TARS1: variants seen among roughly 807,000 people sequenced by gnomAD.
TARS1 encodes threonine--tRNA ligase 1, cytoplasmic.
Under a neutral mutation model 97.7 loss-of-function variants are expected in TARS1, and 57 were observed. The ratio of observed to expected loss-of-function variants is 0.58; its 90% CI spans 0.47 to 0.73. The LOEUF (loss-of-function observed/expected upper bound fraction) is 0.73, where lower values mean the gene tolerates loss of function less well. Ranked by LOEUF, TARS1 falls within the 30% of genes least tolerant of loss-of-function variation. The pLI is 0.00. For synonymous variants in TARS1, 312 were observed against 293.7 expected (o/e 1.06, Z -0.64); for missense variants, 806 against 888.3 (o/e 0.91, Z 1.18).
chr5:33,453,951 C>A (rs1741885628), intron 4 of TARS1, among the ~76,000 whole-genome samples: 1 of 152,074 alleles, frequency 6.6e-6, no homozygotes, highest in Admixed American at 6.6e-5. Flanking sequence ...AACTCCTGAC[C>A]TCAAGTGATC....
At chr5:33,462,569 T>C (rs1201654880) in intron 16 of TARS1, among the ~76,000 whole-genome samples, 1 of 152,232 alleles carries the variant, frequency 6.6e-6, no homozygotes, top group African/African-American at 2.4e-5. Context: ...TGAGGAGGCT[T>C]ATGGCTTTCT....
intron 2 of TARS1, chr5:33,446,567 G>C (rs1265988911): frequency 3.1e-5 from 19 of 607,406 alleles, no homozygotes; most frequent in Non-Finnish European, 4.4e-5. Flanking sequence ...AAAAAAGAGT[G>C]TACAGTGAAC....
At chr5:33,456,600 A>T (rs1424250451) in intron 8 of TARS1, among the ~76,000 whole-genome samples, 1 of 152,274 alleles carries the variant, frequency 6.6e-6, no homozygotes, top group African/African-American at 2.4e-5. Flanking sequence ...ACTAGTTCAT[A>T]AACATTTTAT....
Position 33,462,180 on chromosome 5 carries a change from C to T in TARS1, c.1812C>T (p.Leu604=). 6.2e-7 allele frequency: 1 copy of T among 1,612,494 alleles called. No homozygotes were observed. Among genetic ancestry groups the T allele is most frequent in the Non-Finnish European group, 8.5e-7 (1 of 1,179,770 alleles). Residue 604 remains leucine, a synonymous_variant, in exon 16 of 19, where the codon CTC becomes CTT. Transcript: ENST00000265112. The part of the protein sequence containing the change: ...LGSVERMIAI[L]TENYGGKWPF... The stretch of plus-strand genomic sequence containing the variant: ...CAGTGGAAAGAATGATTGCTATCCT[C>T]ACAGAAAACTATGGGGGCAAATGGT...
At position 33,466,923 on chromosome 5, in the gene TARS1, C is replaced by A; in HGVS notation, c.1961C>A (p.Pro654Gln). 6.2e-7 allele frequency: 1 copy of A among 1,605,906 alleles called. No homozygotes were observed. ...TTCATGGCAGACATTGATCTGGATCCAGGCTGTACATTGAATAAAAAGATT... is the reference window on the plus strand; with the variant it reads ...TTCATGGCAGACATTGATCTGGATCAAGGCTGTACATTGAATAAAAAGATT... ...AKFMADIDLD[P>Q]GCTLNKKIRN... The change falls in exon 18 of 19, where the codon CCA becomes CAA. Residue 654 changes from proline (P) to glutamine (Q), a missense_variant. Around this residue, in one of 3 missense-constraint regions of TARS1, gnomAD observed 446 missense variants for 511.0 expected, o/e 0.87. Coordinates refer to ENST00000265112, the MANE Select transcript of TARS1 (RefSeq NM_152295.5).
At position 33,458,649 on chromosome 5, in the gene TARS1, T is replaced by G. The variant is rs1742145055; in HGVS notation, c.1068T>G (p.Leu356=). ...AAGGAGCCTACATTTATAATGCACTTATTGAATTCATTAGGGTAAGTCATA... is the reference window on the plus strand; with the variant it reads ...AAGGAGCCTACATTTATAATGCACTGATTGAATTCATTAGGGTAAGTCATA... ...LPKGAYIYNA[L]IEFIRSEYRK... is the part of the protein sequence containing the mutation. The change falls in exon 10 of 19, where the codon CTT becomes CTG. Residue 356 remains leucine (L), a synonymous_variant. Transcript: ENST00000265112. 6.2e-7 allele frequency: 1 copy of G among 1,612,582 alleles called. No homozygotes were observed. Among genetic ancestry groups the G allele is most frequent in the South Asian group, 1.1e-5 (1 of 90,898 alleles).
chr5:33,450,526 T>G (rs1741681480), intron 3 of TARS1, among the ~76,000 whole-genome samples: 1 of 152,212 alleles, frequency 6.6e-6, no homozygotes, highest in South Asian at 2.1e-4. Context: ...TCTACCTTAC[T>G]CCAAAGGAAG....
At position 33,461,764 on chromosome 5, in the gene TARS1, T is replaced by A. The variant is rs370427433; in HGVS notation, c.1629+20T>A. On this transcript the variant is annotated intron_variant, in intron 14 of 18. Transcript: ENST00000265112. ...CCAAAGGTGAGCACTAAAGTACATT[T>A]GGGTAATATGATTTTCACTTGTGGA... 42 of 1,609,204 alleles carry A rather than the reference T, an allele frequency of 2.6e-5. No homozygotes were observed. The highest frequency in any genetic ancestry group is 3.3e-5 in the Non-Finnish European group (39 of 1,177,292).
intron 17 of TARS1, among the ~76,000 whole-genome samples, chr5:33,465,192 ACAAT>A (rs1196705448): frequency 2.6e-5 from 4 of 152,254 alleles, no homozygotes; most frequent in Admixed American, 6.5e-5. Flanking sequence ...ACAAATGATG[ACAAT>A]CAAAGTTATG....
At chr5:33,448,803 G>A (rs1741558705) in intron 3 of TARS1, 72 bp downstream of exon 3, 2 of 1,169,570 alleles carry the variant, frequency 1.7e-6, no homozygotes, top group East Asian at 5.3e-5. Flanking sequence ...ATCTTGCCAT[G>A]TTTTATTCTT....
intron 6 of TARS1, 133 bp downstream of exon 6, chr5:33,455,837 TA>T (rs1741987922): frequency 1.0e-5 from 10 of 1,001,208 alleles, no homozygotes; most frequent in Admixed American, 7.7e-5. Context: ...GTGTTTTTAT[TA>T]TTTTTTTAAT....
At chr5:33,456,296 G>A (rs888793971) in intron 8 of TARS1, 69 bp downstream of exon 8, 15 of 1,247,962 alleles carry the variant, frequency 1.2e-5, no homozygotes, top group African/African-American at 6.0e-5. Context: ...AACTTTCACT[G>A]ATTTCTCTTT....
intron 3 of TARS1, among the ~76,000 whole-genome samples, chr5:33,449,343 G>GTATATATATATA (rs1741596049): frequency 2.0e-5 from 2 of 101,092 alleles, no homozygotes; most frequent in African/African-American, 9.3e-5. Flanking sequence ...ATATATACAC[G>GTATATATATATA]TGTATATATA....
chr5:33,462,102 T>C lies in TARS1; in HGVS notation c.1734T>C (p.His578=). 6.2e-7 allele frequency: 1 copy of C among 1,611,642 alleles called. No individual in the cohort carries two copies. The highest frequency in any genetic ancestry group is 8.5e-7 in the Non-Finnish European group (1 of 1,179,238). Residue 578 remains histidine, a synonymous_variant, in exon 16 of 19, where the codon CAT becomes CAC. Transcript: ENST00000265112. ...ACAATTTTTTTTTTCTTTATAGCCA[T>C]GATGGTGATGATAAGAAAAGGCCAG... ...PIRFNLTYVS[H]DGDDKKRPVI...
rs753966610 is a variant in TARS1 at position 33,450,005 on chromosome 5, TAG to T, written c.329+1277_329+1278del. On this transcript the variant is annotated intron_variant, in intron 3 of 18. Coordinates refer to ENST00000265112, the MANE Select transcript of TARS1 (RefSeq NM_152295.5). The stretch of plus-strand genomic sequence containing the variant: ...GGTTTGGGGGATAGCGAGTGCTAAT[TAG>T]AGTTCTTACATTATCTTAACACATA... Among the ~76,000 whole-genome samples the T allele has an allele frequency of 2.6e-5, 4 of 152,252 alleles. No homozygotes were observed. In the East Asian group the frequency reaches 7.7e-4, roughly 29 times the overall value.
chr5:33,449,895 A>G (rs1741643519), intron 3 of TARS1, among the ~76,000 whole-genome samples: 1 of 152,182 alleles, frequency 6.6e-6, no homozygotes, highest in South Asian at 2.1e-4. Flanking sequence ...GGTCTTAAAC[A>G]CTTCAACTTA....
intron 11 of TARS1, 167 bp downstream of exon 11, chr5:33,460,028 CTT>C (rs77381964): frequency 0.018 from 6,609 of 373,466 alleles, no homozygotes; most frequent in Middle Eastern, 0.026. Context: ...TAGATCCCCA[CTT>C]TTTTTTTTTT....
In TARS1 at chr5:33,461,917, G is replaced by A; in HGVS notation, c.1641G>A (p.Gln547=). ...TCTTTGCTTCTTAGATTGACATACA[G>A]ATTAAAGATGCGATTGGGCGGTACC... ...GAFYGPKIDI[Q]IKDAIGRYHQ... The change falls in exon 15 of 19, where the codon CAG becomes CAA. Residue 547 remains glutamine (Q), a synonymous_variant. Transcript: ENST00000265112. 1 of 1,613,774 alleles carries A rather than the reference G, an allele frequency of 6.2e-7. No homozygotes were observed. Among genetic ancestry groups the A allele is most frequent in the Non-Finnish European group, 8.5e-7 (1 of 1,179,704 alleles).
chr5:33,441,101 G>A lies in TARS1; in HGVS notation c.15G>A (p.Lys5=), dbSNP rs768454992. MFEE[K]ASSPSGKMGG... ...GTCGTTCGCCAATGTTTGAGGAGAA[G>A]GCCAGCAGTCCTTCAGGGAAGATGG... The change falls in exon 1 of 19, where the codon AAG becomes AAA. Residue 5 remains lysine (K), a synonymous_variant. Coordinates refer to ENST00000265112, the MANE Select transcript of TARS1 (RefSeq NM_152295.5). The A allele has an allele frequency of 3.7e-6, 6 of 1,614,242 alleles. No homozygotes were observed. Among genetic ancestry groups the A allele is most frequent in the South Asian group, 1.1e-5 (1 of 91,086 alleles).
Sources: gnomAD v4.1 joint callset for allele counts (sites outside exome capture counted in the v4.1 genomes callset) on GRCh38, gnomAD v4.1.1 for gene constraint, gnomAD v4.1.1 regional missense constraint, MANE v1.5 for transcripts, NCBI Gene and HGNC (gene_info 2026-07-23, HGNC 2026-07-21) for gene names.